NEXN: variants seen among roughly 807,000 people sequenced by gnomAD.
NEXN encodes nexilin F-actin binding protein, also known as nexilin.
Under a neutral mutation model 92.6 loss-of-function variants are expected in NEXN, and 65 were observed. That is an observed-to-expected ratio of 0.70 (90% CI 0.57 to 0.86). NEXN has a LOEUF of 0.86. Among genes scored for constraint, NEXN ranks in the 40% least tolerant of loss-of-function variants. The pLI is 0.00. For synonymous variants in NEXN, 254 were observed against 242.5 expected (o/e 1.05, Z -0.44); for missense variants, 778 against 771.1 (o/e 1.01, Z -0.11).
chr1:77,925,308 C>CT (rs1241828052), intron 6 of NEXN, 79 bp downstream of exon 6: 13 of 954,150 alleles, frequency 1.4e-5, no homozygotes, highest in Non-Finnish European at 2.1e-5. Context: ...TAAGAAAAAA[C>CT]TAAAAGAGCT....
At position 77,929,459 on chromosome 1, in the gene NEXN, A is replaced by G; in HGVS notation, c.1008A>G (p.Arg336=). The G allele has an allele frequency of 6.2e-7, 1 of 1,613,306 alleles. No homozygotes were observed. ...AAGCAGAAGAAGAAGCCAGAAGGAG[A>G]ATAGAGGAAGAAAAGAAGGCGTTTG... ...KRKAEEEARR[R]IEEEKKAFAE... Residue 336 remains arginine, a synonymous_variant, in exon 9 of 13, where the codon AGA becomes AGG. Transcript: ENST00000334785.
At chr1:77,931,877 A>T (rs1470322332) in intron 9 of NEXN, 1 of 152,176 alleles carries the variant, frequency 6.6e-6, no homozygotes, top group Admixed American at 6.5e-5. Context: ...GTGTATTTCA[A>T]CCACAGAGTC....
At chr1:77,903,951 T>C (rs1647912002) in intron 1 of NEXN, among the ~76,000 whole-genome samples, 1 of 152,144 alleles carries the variant, frequency 6.6e-6, no homozygotes, top group African/African-American at 2.4e-5. Flanking sequence ...GAGGAGATGA[T>C]AAAATAAGTC....
intron 1 of NEXN, among the ~76,000 whole-genome samples, chr1:77,906,459 A>G (rs969055479): frequency 6.6e-6 from 1 of 152,180 alleles, no homozygotes; most frequent in African/African-American, 2.4e-5. Context: ...TATAATTATC[A>G]TTAGGATATA....
chr1:77,927,217 G>A (rs879362319), intron 8 of NEXN, among the ~76,000 whole-genome samples: 9 of 151,934 alleles, frequency 5.9e-5, no homozygotes, highest in Admixed American at 2.0e-4. Flanking sequence ...GGAGGTTGCA[G>A]TGAGCTGAGA....
chr1:77,898,982 G>A (rs1392076826), intron 1 of NEXN, among the ~76,000 whole-genome samples: 33 of 152,184 alleles, frequency 2.2e-4, no homozygotes, highest in Admixed American at 2.2e-3. Flanking sequence ...CAGTTAGAAT[G>A]GCGATCATTA....
At chr1:77,936,429 A>C (rs564533557) in intron 11 of NEXN, among the ~76,000 whole-genome samples, 3 of 152,358 alleles carry the variant, frequency 2.0e-5, no homozygotes, top group African/African-American at 7.2e-5. Context: ...TCTACAAAAA[A>C]AGATACAACT....
chr1:77,902,761 A>G (rs1256239954), intron 1 of NEXN, among the ~76,000 whole-genome samples: 1 of 152,230 alleles, frequency 6.6e-6, no homozygotes, highest in East Asian at 1.9e-4. Flanking sequence ...ATGTTTACCA[A>G]TATAAAAATG....
intron 1 of NEXN, 104 bp from the exon 2 acceptor site, chr1:77,915,951 G>A (rs530349443): frequency 3.5e-6 from 1 of 282,428 alleles, no homozygotes; most frequent in East Asian, 8.5e-5. Flanking sequence ...CTTGAATCAT[G>A]TCAGTATTTT....
intron 4 of NEXN, 33 bp downstream of exon 4, chr1:77,918,071 A>T (rs1432121636): frequency 6.2e-7 from 1 of 1,612,814 alleles, no homozygotes; most frequent in Non-Finnish European, 8.5e-7. Flanking sequence ...AGTAAATTAA[A>T]TTGCAAAATA....
chr1:77,889,317 C>CA (rs976719357), intron 1 of NEXN: 6 of 151,312 alleles, frequency 4.0e-5, no homozygotes, highest in African/African-American at 9.7e-5. Flanking sequence ...TACTCCCCCC[C>CA]CACACCCCCG....
chr1:77,901,374 GTTA>G lies in NEXN; in HGVS notation c.-53+12618_-53+12620del, dbSNP rs529210511. On this transcript the variant is annotated intron_variant, in intron 1 of 12. Coordinates refer to ENST00000334785, the MANE Select transcript of NEXN (RefSeq NM_144573.4). ...TTTTTATGTTTATAAATAATGGTTT[GTTA>G]TTGTTACTTTAAATGACTTTATAAG... Among the ~76,000 whole-genome samples the G allele has an allele frequency of 2.1e-3, 326 of 152,120 alleles. 1 individual carries two copies. The highest frequency in any genetic ancestry group is 7.5e-3 in the African/African-American group (312 of 41,524).
chr1:77,918,359 T>C (rs1453296740), intron 5 of NEXN, 86 bp downstream of exon 5: 1 of 1,413,602 alleles, frequency 7.1e-7, no homozygotes, highest in Non-Finnish European at 1.0e-6. Flanking sequence ...ATTAAAATAT[T>C]TTAATGTAAC....
chr1:77,902,707 T>A (rs548845510), intron 1 of NEXN, among the ~76,000 whole-genome samples: 1 of 152,080 alleles, frequency 6.6e-6, no homozygotes, highest in African/African-American at 2.4e-5. Flanking sequence ...TTTTCCATAA[T>A]AAAAAAGTAA....
At chr1:77,898,496 G>C (rs1308252513) in intron 1 of NEXN, among the ~76,000 whole-genome samples, 4 of 152,096 alleles carry the variant, frequency 2.6e-5, no homozygotes, top group African/African-American at 9.7e-5. Flanking sequence ...CTTATACCTT[G>C]TAGAAAAATT....
Position 77,933,466 on chromosome 1 carries a change from A to G in NEXN, c.1238A>G (p.Gln413Arg), listed in dbSNP as rs1650473441. Residue 413 changes from glutamine to arginine, a missense_variant, in exon 10 of 13, where the codon CAG becomes CGG. Transcript: ENST00000334785. Reference sequence around the variant, plus strand: ...AAACAAGAATTTGAACAACTGAGACAGGAAATGGGAGAGGTAAGATTTTAA... The same window carrying G: ...AAACAAGAATTTGAACAACTGAGACGGGAAATGGGAGAGGTAAGATTTTAA... ...MEKQEFEQLR[Q>R]EMGEEEEENE... 1.9e-6 allele frequency: 3 copies of G among 1,606,762 alleles called. No homozygotes were observed. In the Admixed American group the frequency reaches 5.0e-5, roughly 27 times the overall value.
rs1459549980 is a variant in NEXN at position 77,918,214 on chromosome 1, G to A, written c.388G>A (p.Glu130Lys). The A allele has an allele frequency of 2.5e-6, 4 of 1,613,980 alleles. No homozygotes were observed. Among genetic ancestry groups the A allele is most frequent in the Non-Finnish European group, 3.4e-6 (4 of 1,180,010 alleles). The part of the protein sequence containing the change: ...RTEEERKRRI[E>K]QDMLEKRKIQ... ...GGAGGAGGAACGAAAACGCAGAATTGAGCAGGATATGTTAGAAAAGAGGAA... is the reference window on the plus strand; with the variant it reads ...GGAGGAGGAACGAAAACGCAGAATTAAGCAGGATATGTTAGAAAAGAGGAA... The change falls in exon 5 of 13, where the codon GAG (glutamate) becomes AAG (lysine). Residue 130 changes from glutamate to lysine, a missense_variant. Physicochemically the swap from Glu to Lys is moderately conservative, Grantham distance 56. Around this residue, in one of 3 missense-constraint regions of NEXN, gnomAD observed 236 missense variants for 265.6 expected, o/e 0.89. Transcript: ENST00000334785.
At chr1:77,901,680 A>G (rs1647725677) in intron 1 of NEXN, among the ~76,000 whole-genome samples, 1 of 152,196 alleles carries the variant, frequency 6.6e-6, no homozygotes, top group Non-Finnish European at 1.5e-5. Context: ...TAATGGGCCC[A>G]GACTTTAGGT....
intron 1 of NEXN, among the ~76,000 whole-genome samples, chr1:77,906,271 T>C (rs1271199025): frequency 6.6e-6 from 1 of 152,130 alleles, no homozygotes; most frequent in African/African-American, 2.4e-5. Flanking sequence ...AAAAGCATTA[T>C]TAGGCCCATT....
Sources: allele counts gnomAD v4.1 joint callset (sites outside exome capture counted in the v4.1 genomes callset), GRCh38; gene constraint gnomAD v4.1.1; regional missense constraint gnomAD v4.1.1; transcripts MANE v1.5; gene names NCBI Gene and HGNC (gene_info 2026-07-23, HGNC 2026-07-21).